Variants in TENM3 observed in about 807,000 individuals in gnomAD.
TENM3 encodes the protein teneurin-3.
In TENM3, 63 loss-of-function variants were observed where a neutral mutation model predicts 255.1. That is an observed-to-expected ratio of 0.25 (90% CI 0.20 to 0.30). The LOEUF is 0.30. Among genes scored for constraint, TENM3 ranks in the 10% least tolerant of loss-of-function variants. The probability of loss-of-function intolerance (pLI) is 1.00; values close to 1 mark genes in which losing one functional copy is unlikely to be tolerated. For synonymous variants in TENM3, 1,306 were observed against 1,322.3 expected (o/e 0.99, Z 0.27); for missense variants, 2,929 against 3,461.1 (o/e 0.85, Z 3.86).
chr4:182,729,188 G>A lies in TENM3; in HGVS notation c.2585+7G>A. 1 of 1,602,264 alleles carries A rather than the reference G, an allele frequency of 6.2e-7. No homozygotes were observed. ...AAAGTCCTTTCAATAAGAGGTTAAT[G>A]CTTCTTTTCCATATGTAGATTTGTA... On this transcript the variant is annotated splice_region_variant and intron_variant, in intron 14 of 27. Transcript: ENST00000511685.
the TENM3 span, among the ~76,000 whole-genome samples, chr4:181,471,140 T>G: frequency 6.6e-6 from 1 of 152,304 alleles, no homozygotes; most frequent in Non-Finnish European, 1.5e-5. Context: ...TTGTTAATTT[T>G]AAGAGAACTT....
intron 1 of TENM3, among the ~76,000 whole-genome samples, chr4:182,263,785 T>A (rs1759041272): frequency 6.6e-6 from 1 of 152,182 alleles, no homozygotes; most frequent in African/African-American, 2.4e-5. Context: ...AGACCACGTG[T>A]CGAAACTCTT....
rs775320191 is a variant in TENM3, at chr4:182,800,206, A to G, written c.7955A>G (p.Glu2652Gly). The change falls in exon 28 of 28, where the codon GAG (glutamate) becomes GGG (glycine). Residue 2652 changes from glutamate (E) to glycine (G), a missense_variant. Glu to Gly is a moderately conservative substitution (Grantham distance 98). This residue lies in a region of TENM3 where 476 missense variants were observed against 480.1 expected (regional missense o/e 0.99). Transcript: ENST00000511685. ...GAGGAGGGCGCGCGCCTCTGGACGG[A>G]GGGCGAGAAGCGGCAGCTGCTGAGC... ...DGEEGARLWT[E>G]GEKRQLLSAG... 2 of 1,589,440 alleles carry G rather than the reference A, an allele frequency of 1.3e-6. No homozygotes were observed. The highest frequency in any genetic ancestry group is 2.2e-5 in the South Asian group (2 of 89,862).
chr4:181,884,936 A>G, the TENM3 span, among the ~76,000 whole-genome samples: 1 of 152,092 alleles, frequency 6.6e-6, no homozygotes, highest in African/African-American at 2.4e-5. Flanking sequence ...TTTTATAAAA[A>G]TTTTTGGAAA....
the TENM3 span, among the ~76,000 whole-genome samples, chr4:181,786,714 C>G: frequency 7.0e-6 from 1 of 142,330 alleles, no homozygotes; most frequent in Admixed American, 7.1e-5. Context: ...TTTTTTTTTC[C>G]TGGAAAGTAG....
intron 1 of TENM3, among the ~76,000 whole-genome samples, chr4:182,220,452 C>A (rs1755785789): frequency 1.3e-5 from 2 of 149,438 alleles, no homozygotes; most frequent in African/African-American, 4.9e-5. Context: ...TCCTGCCTTA[C>A]ACTGTTCAGG....
chr4:181,628,535 T>G, the TENM3 span, among the ~76,000 whole-genome samples: 2 of 152,228 alleles, frequency 1.3e-5, no homozygotes, highest in Admixed American at 1.3e-4. Context: ...GGGATCCAGT[T>G]TCAGCTTTCT....
At chr4:181,527,159 T>C in the TENM3 span, among the ~76,000 whole-genome samples, 2 of 152,204 alleles carry the variant, frequency 1.3e-5, no homozygotes, top group African/African-American at 4.8e-5. Context: ...ACTGTTTTCA[T>C]GAATGTCTTT....
At chr4:181,892,618 C>G in the TENM3 span, among the ~76,000 whole-genome samples, 2 of 152,188 alleles carry the variant, frequency 1.3e-5, no homozygotes, top group African/African-American at 4.8e-5. Flanking sequence ...TCTTAGAGCA[C>G]TCCTAGCCAC....
the TENM3 span, among the ~76,000 whole-genome samples, chr4:181,845,812 C>T: frequency 6.6e-5 from 10 of 152,206 alleles, no homozygotes; most frequent in African/African-American, 2.2e-4. Flanking sequence ...TTAGTCATTA[C>T]TACAGGTTAC....
the TENM3 span, among the ~76,000 whole-genome samples, chr4:182,088,889 A>G: frequency 2.0e-5 from 3 of 152,172 alleles, no homozygotes; most frequent in South Asian, 6.2e-4. Context: ...AAAGGACTGA[A>G]TGTTTATGTC....
intron 1 of TENM3, among the ~76,000 whole-genome samples, chr4:182,291,364 T>C (rs1761112474): frequency 6.6e-6 from 1 of 152,074 alleles, no homozygotes; most frequent in Non-Finnish European, 1.5e-5. Flanking sequence ...AGACAAAGCA[T>C]GAAAGAGCCT....
rs937251406 is a variant in TENM3 at position 182,505,839 on chromosome 4, A to G, written c.512-95085A>G. ...CTTGATATAAATCATTCCTTTGTTG[A>G]CATTGTCATCATGTGCTTACTGAAA... On this transcript the variant is annotated intron_variant, in intron 3 of 27. Coordinates refer to ENST00000511685, the MANE Select transcript of TENM3 (RefSeq NM_001080477.4). Among the ~76,000 whole-genome samples, 23 of 152,280 alleles carry G rather than the reference A, an allele frequency of 1.5e-4. No homozygotes were observed. The Middle Eastern group carries it at 0.014, about 90-fold the overall frequency.
chr4:182,737,964 C>T (rs1241253416), intron 17 of TENM3, among the ~76,000 whole-genome samples: 1 of 151,844 alleles, frequency 6.6e-6, no homozygotes, highest in Non-Finnish European at 1.5e-5. Flanking sequence ...CTTTTTTGTT[C>T]CATTGAACCT....
At position 182,792,738 on chromosome 4, in the gene TENM3, C is replaced by T; in HGVS notation, c.6066C>T (p.Asp2022=). 1 of 1,613,906 alleles carries T rather than the reference C, an allele frequency of 6.2e-7. No individual in the cohort carries two copies. Among genetic ancestry groups the T allele is most frequent in the Non-Finnish European group, 8.5e-7 (1 of 1,179,886 alleles). ...MVNARFDYSY[D]NSFRVTSMQG... The stretch of plus-strand genomic sequence containing the variant: ...ATGCAAGATTTGACTATAGCTATGA[C>T]AACAGCTTTCGAGTGACCAGCATGC... The change falls in exon 26 of 28, where the codon GAC becomes GAT. Residue 2022 remains aspartate (D), a synonymous_variant. Transcript: ENST00000511685. The surrounding 1 kb of genome is among the most constrained non-coding windows in gnomAD (Gnocchi z 6.3).
chr4:181,450,077 C>A, the TENM3 span, among the ~76,000 whole-genome samples: 1 of 151,890 alleles, frequency 6.6e-6, no homozygotes, highest in Non-Finnish European at 1.5e-5. Context: ...TCTTTATTTC[C>A]TTAGAAAATA....
chr4:181,914,141 T>C, the TENM3 span, among the ~76,000 whole-genome samples: 1 of 152,252 alleles, frequency 6.6e-6, no homozygotes, highest in Non-Finnish European at 1.5e-5. Context: ...TTAAAATGTT[T>C]TGATGGCTCC....
chr4:182,283,106 T>A (rs1388639869), intron 1 of TENM3, among the ~76,000 whole-genome samples: 6 of 152,296 alleles, frequency 3.9e-5, no homozygotes, highest in Admixed American at 3.9e-4. Context: ...TCCACTTGGA[T>A]ACTTACCGCA....
intron 24 of TENM3, among the ~76,000 whole-genome samples, chr4:182,785,043 C>T (rs753533587): frequency 4.6e-5 from 7 of 152,076 alleles, no homozygotes; most frequent in African/African-American, 7.2e-5. Flanking sequence ...AGCTGTAGAC[C>T]GGAGCTGTTC....
Sources: gnomAD v4.1 joint callset for allele counts (sites outside exome capture counted in the v4.1 genomes callset) on GRCh38, gnomAD v4.1.1 for gene constraint, gnomAD v4.1.1 regional missense constraint, Gnocchi (gnomAD v3.1) non-coding constraint, MANE v1.5 for transcripts, NCBI Gene and HGNC (gene_info 2026-07-23, HGNC 2026-07-21) for gene names.